Variants in RAB3C observed in about 807,000 individuals in gnomAD.
RAB3C encodes RAB3C, member RAS oncogene family, also known as ras-related protein Rab-3C.
A neutral mutation model predicts 26.4 loss-of-function variants in RAB3C; 17 were observed. That is an observed-to-expected ratio of 0.64 (90% CI 0.44 to 0.97). The LOEUF (loss-of-function observed/expected upper bound fraction) is 0.97, where lower values mean the gene tolerates loss of function less well. Ranked by LOEUF, RAB3C falls within the 50% of genes least tolerant of loss-of-function variation. RAB3C has a pLI of 0.00. For synonymous variants in RAB3C, 91 were observed against 95.9 expected (o/e 0.95, Z 0.30); for missense variants, 242 against 281.9 (o/e 0.86, Z 1.01).
chr5:58,797,909 T>C (rs566340928), intron 3 of RAB3C, among the ~76,000 whole-genome samples: 1 of 152,298 alleles, frequency 6.6e-6, no homozygotes, highest in East Asian at 1.9e-4. Flanking sequence ...CAGGATAAAA[T>C]AATAATTAGC....
chr5:58,645,738 C>T (rs1380515762), intron 2 of RAB3C, among the ~76,000 whole-genome samples: 2 of 152,112 alleles, frequency 1.3e-5, no homozygotes, highest in African/African-American at 4.8e-5. Context: ...GATAACTTCC[C>T]TGAGCCCTGA....
chr5:58,765,106 G>C (rs1741872115), intron 3 of RAB3C, among the ~76,000 whole-genome samples: 1 of 152,092 alleles, frequency 6.6e-6, no homozygotes, highest in South Asian at 2.1e-4. Flanking sequence ...ATTAAAAATA[G>C]AAACAGAATC....
rs7733902 is a variant in RAB3C at position 58,715,679 on chromosome 5, C to T, written c.253-10323C>T. ...AGTGTAGTCAAGGTTTCCTAGTAAG[C>T]GGACTATTATATTTATAGATTACAT... On this transcript the variant is annotated intron_variant, in intron 2 of 4. Coordinates refer to ENST00000282878, the MANE Select transcript of RAB3C (RefSeq NM_138453.4). 3.3e-3 allele frequency among the ~76,000 whole-genome samples: 508 copies of T among 152,062 alleles called. 7 individuals carry two copies. The highest frequency in any genetic ancestry group is 0.012 in the African/African-American group (479 of 41,488).
intron 2 of RAB3C, among the ~76,000 whole-genome samples, chr5:58,661,831 G>A (rs929676084): frequency 2.7e-5 from 4 of 149,204 alleles, no homozygotes; most frequent in Admixed American, 2.0e-4. Context: ...TGCACACTGA[G>A]GAAGAGATGG....
At chr5:58,587,376 T>C (rs1366411231) in intron 1 of RAB3C, among the ~76,000 whole-genome samples, 3 of 152,146 alleles carry the variant, frequency 2.0e-5, no homozygotes, top group Non-Finnish European at 4.4e-5. Flanking sequence ...AAAAAAATGT[T>C]CTTTTATATA....
intron 1 of RAB3C, among the ~76,000 whole-genome samples, chr5:58,605,776 G>A (rs143751082): frequency 2.7e-3 from 404 of 152,212 alleles, no homozygotes; most frequent in Non-Finnish European, 4.6e-3. Flanking sequence ...TGGGCACCAA[G>A]CGCTTGTAAT....
chr5:58,766,038 T>A (rs1374781876), intron 3 of RAB3C, among the ~76,000 whole-genome samples: 1 of 152,052 alleles, frequency 6.6e-6, no homozygotes, highest in Non-Finnish European at 1.5e-5. Context: ...CGCATGATGC[T>A]CCCCAGCCAT....
chr5:58,805,475 C>T (rs190975611), intron 3 of RAB3C, among the ~76,000 whole-genome samples: 1 of 151,316 alleles, frequency 6.6e-6, no homozygotes, highest in East Asian at 1.9e-4. Flanking sequence ...ATCCCATCTA[C>T]ACAGGGGGCT....
At chr5:58,673,851 C>G (rs1232617854) in intron 2 of RAB3C, among the ~76,000 whole-genome samples, 3 of 152,152 alleles carry the variant, frequency 2.0e-5, no homozygotes, top group Admixed American at 2.0e-4. Flanking sequence ...AGGATTGATG[C>G]AGAGGATGGC....
At chr5:58,724,718 A>C (rs1895232) in intron 2 of RAB3C, among the ~76,000 whole-genome samples, 91,301 of 151,346 alleles carry the variant, frequency 0.6, 28,055 homozygotes, top group African/African-American at 0.69. Context: ...GCAGAACTGC[A>C]ATATAAAAAT....
intron 2 of RAB3C, among the ~76,000 whole-genome samples, chr5:58,716,334 A>AGC (rs1386830995): frequency 6.6e-6 from 1 of 152,138 alleles, no homozygotes; most frequent in Non-Finnish European, 1.5e-5. Context: ...AAGGTTCAAA[A>AGC]GCGAGATGAT....
At chr5:58,668,532 C>T (rs926403518) in intron 2 of RAB3C, among the ~76,000 whole-genome samples, 1 of 152,126 alleles carries the variant, frequency 6.6e-6, no homozygotes, top group Non-Finnish European at 1.5e-5. Flanking sequence ...ACAGCCTAGT[C>T]CCCTATATGG....
intron 1 of RAB3C, among the ~76,000 whole-genome samples, chr5:58,611,404 T>C (rs1746697955): frequency 6.6e-6 from 1 of 152,122 alleles, no homozygotes. Context: ...TATTTTTTGA[T>C]TTTTTAGTAA....
intron 2 of RAB3C, among the ~76,000 whole-genome samples, chr5:58,679,363 A>G (rs2111837793): frequency 6.6e-6 from 1 of 152,284 alleles, no homozygotes; most frequent in South Asian, 2.1e-4. Context: ...CTAGGATGCT[A>G]GGCTTCTCTT....
At chr5:58,714,418 A>G (rs1749125582) in intron 2 of RAB3C, among the ~76,000 whole-genome samples, 1 of 152,178 alleles carries the variant, frequency 6.6e-6, no homozygotes, top group African/African-American at 2.4e-5. Flanking sequence ...TTGGACATAC[A>G]AAAGAAGTAT....
chr5:58,642,992 A>G (rs1359571693), intron 2 of RAB3C, among the ~76,000 whole-genome samples: 2 of 152,256 alleles, frequency 1.3e-5, no homozygotes, highest in Non-Finnish European at 2.9e-5. Flanking sequence ...GAAAATCATT[A>G]CTTTCAATCA....
At chr5:58,635,016 T>C (rs1249263465) in intron 2 of RAB3C, among the ~76,000 whole-genome samples, 1 of 152,208 alleles carries the variant, frequency 6.6e-6, no homozygotes, top group Non-Finnish European at 1.5e-5. Context: ...ACAAGTGCAT[T>C]ATTGAATTCA....
At chr5:58,608,939 G>T (rs1209845781) in intron 1 of RAB3C, among the ~76,000 whole-genome samples, 2 of 152,028 alleles carry the variant, frequency 1.3e-5, no homozygotes, top group Non-Finnish European at 2.9e-5. Context: ...ATCACACAAG[G>T]ACAGAAAACC....
intron 3 of RAB3C, among the ~76,000 whole-genome samples, chr5:58,787,551 T>C (rs1310862006): frequency 1.3e-5 from 2 of 152,216 alleles, no homozygotes; most frequent in Admixed American, 6.5e-5. Flanking sequence ...ATGGAGAGTT[T>C]ACGCTCTTTG....
Sources: allele counts gnomAD v4.1 joint callset (sites outside exome capture counted in the v4.1 genomes callset), GRCh38; gene constraint gnomAD v4.1.1; transcripts MANE v1.5; gene names NCBI Gene and HGNC (gene_info 2026-07-23, HGNC 2026-07-21).